Variants in DPP6 observed in about 807,000 individuals in gnomAD.
DPP6 encodes A-type potassium channel modulatory protein DPP6.
Under a neutral mutation model 122.6 loss-of-function variants are expected in DPP6, and 69 were observed. The observed-to-expected ratio is 0.56, with a 90% CI of 0.46 to 0.69. The LOEUF (loss-of-function observed/expected upper bound fraction) is 0.69. Among genes scored for constraint, DPP6 ranks in the 30% least tolerant of loss-of-function variants. DPP6 has a pLI of 0.00. For missense variants in DPP6, 928 were observed against 1,116.9 expected (o/e 0.83, Z 2.41); for synonymous variants, 418 against 433.1 (o/e 0.97, Z 0.43).
intron 1 of DPP6, among the ~76,000 whole-genome samples, chr7:153,959,263 C>T (rs1453300641): frequency 6.6e-6 from 1 of 151,594 alleles, no homozygotes; most frequent in African/African-American, 2.4e-5. Context: ...TGGCACATAG[C>T]ATGCTCGTTA....
At position 154,528,777 on chromosome 7, in the gene DPP6, G is replaced by GTTCTCC. The variant is rs1315368572; in HGVS notation, c.458-11755_458-11754insTTCTCC. ...GAGAGATTAATTCTGCCTGGAAAAGGCATGAAAACTGTACAAGGGAGTTGG... is the reference window on the plus strand; with the variant it reads ...GAGAGATTAATTCTGCCTGGAAAAGGTTCTCCCATGAAAACTGTACAAGGGAGTTGG... On this transcript the variant is annotated intron_variant, in intron 3 of 25. Transcript: ENST00000377770. Among the ~76,000 whole-genome samples, 8 of 152,316 alleles carry GTTCTCC rather than the reference G, an allele frequency of 5.3e-5. No individual in the cohort carries two copies. In the South Asian group the frequency reaches 1.7e-3, roughly 32 times the overall value.
At chr7:153,871,790 G>C in the DPP6 span, among the ~76,000 whole-genome samples, 1 of 152,122 alleles carries the variant, frequency 6.6e-6, no homozygotes, top group Non-Finnish European at 1.5e-5. Flanking sequence ...GGCCATCTTG[G>C]CTCCACCCCA....
chr7:154,086,116 C>T (rs539984949), intron 1 of DPP6, among the ~76,000 whole-genome samples: 1 of 152,250 alleles, frequency 6.6e-6, no homozygotes, highest in Admixed American at 6.5e-5. Flanking sequence ...GAGATAGAGA[C>T]ATAAATTCTC....
At chr7:154,537,397 G>A (rs780486614) in intron 3 of DPP6, among the ~76,000 whole-genome samples, 47 of 152,280 alleles carry the variant, frequency 3.1e-4, no homozygotes, top group Non-Finnish European at 6.3e-4. Context: ...TTTGAAAATA[G>A]CAAGTTTTAG....
chr7:154,667,577 G>A (rs568280873), intron 6 of DPP6, among the ~76,000 whole-genome samples: 6 of 152,162 alleles, frequency 3.9e-5, no homozygotes, highest in Non-Finnish European at 7.4e-5. Flanking sequence ...ACAAAAATTC[G>A]CCAGGCGTCG....
In DPP6 at chr7:154,795,824, A is replaced by G. The variant is rs374583494; in HGVS notation, c.1261-21A>G. 111 of 1,607,472 alleles carry G rather than the reference A, an allele frequency of 6.9e-5. No individual in the cohort carries two copies. In the African/African-American group the frequency reaches 1.3e-3, roughly 19 times the overall value. ...AAAGAAAAGAAAAACCCTCTTGTCT[A>G]ATGCTCTCATTTCATTTCAGAAACA... is the stretch of plus-strand genomic sequence containing the variant. On this transcript the variant is annotated intron_variant, in intron 11 of 25. Transcript: ENST00000377770.
At chr7:154,627,496 C>A (rs890420752) in intron 5 of DPP6, among the ~76,000 whole-genome samples, 1 of 152,100 alleles carries the variant, frequency 6.6e-6, no homozygotes, top group African/African-American at 2.4e-5. Flanking sequence ...CCACGCCCGG[C>A]CTTTTTTCCT....
At chr7:154,264,871 CCTG>C (rs1803282802) in intron 1 of DPP6, among the ~76,000 whole-genome samples, 1 of 68,936 alleles carries the variant, frequency 1.5e-5, no homozygotes, top group African/African-American at 4.9e-5. Flanking sequence ...TGATGGTGAT[CCTG>C]ATGATGGTGA....
chr7:154,650,269 G>C (rs1031386242), intron 6 of DPP6, among the ~76,000 whole-genome samples: 4 of 151,964 alleles, frequency 2.6e-5, no homozygotes, highest in Non-Finnish European at 4.4e-5. Context: ...AAGTTGCAGT[G>C]AGCTCTGATT....
At chr7:154,691,924 G>T (rs2131220275) in intron 7 of DPP6, among the ~76,000 whole-genome samples, 1 of 152,346 alleles carries the variant, frequency 6.6e-6, no homozygotes. Flanking sequence ...AACCAGCCTT[G>T]GGAAGTGCTC....
At position 154,056,617 on chromosome 7, in the gene DPP6, C is replaced by G. The variant is rs150295932; in HGVS notation, c.243+3554C>G. Among the ~76,000 whole-genome samples the G allele has an allele frequency of 1.1e-4, 16 of 152,262 alleles. 1 individual carries two copies. The East Asian group carries it at 3.1e-3, about 29-fold the overall frequency. On this transcript the variant is annotated intron_variant, in intron 1 of 25. Coordinates refer to ENST00000377770, the MANE Select transcript of DPP6 (RefSeq NM_130797.4). ...CTTAGCAATACAAATGTGATGACAA[C>G]AGGATTTTAAAGCAGCAAATTGGTT... is the stretch of plus-strand genomic sequence containing the variant.
chr7:154,765,526 G>A (rs1191540195), intron 8 of DPP6, among the ~76,000 whole-genome samples: 1 of 152,084 alleles, frequency 6.6e-6, no homozygotes, highest in Admixed American at 6.6e-5. Context: ...TCTCCTACTG[G>A]ATATGACCTT....
intron 14 of DPP6, among the ~76,000 whole-genome samples, chr7:154,804,472 G>A (rs1427854082): frequency 2.0e-5 from 3 of 152,154 alleles, no homozygotes; most frequent in Admixed American, 6.5e-5. Context: ...CCCTGCTCCT[G>A]GGGTAAAAGC....
intron 1 of DPP6, among the ~76,000 whole-genome samples, chr7:154,193,726 C>T (rs1798727405): frequency 1.3e-5 from 2 of 151,996 alleles, no homozygotes; most frequent in South Asian, 2.1e-4. Context: ...AGGTAGACCA[C>T]CTGTGAAGGA....
chr7:153,934,494 T>C (rs1162489855), intron 1 of DPP6, among the ~76,000 whole-genome samples: 1 of 152,136 alleles, frequency 6.6e-6, no homozygotes, highest in African/African-American at 2.4e-5. Context: ...CTCATGTAAA[T>C]ACAATATAAG....
intron 16 of DPP6, among the ~76,000 whole-genome samples, chr7:154,837,323 ACACACATGCATAACATG>A (rs1198550858): frequency 1.3e-5 from 2 of 151,418 alleles, no homozygotes; most frequent in Admixed American, 6.6e-5. Flanking sequence ...AAACACATGC[ACACACATGCATAACATG>A]CACACATGCA....
intron 1 of DPP6, among the ~76,000 whole-genome samples, chr7:154,229,847 C>A (rs1276767669): frequency 6.6e-6 from 1 of 152,042 alleles, no homozygotes; most frequent in Admixed American, 6.6e-5. Flanking sequence ...CATGTTATAA[C>A]AAATTAGTAC....
At chr7:154,662,877 A>G (rs546100048) in intron 6 of DPP6, among the ~76,000 whole-genome samples, 22 of 49,002 alleles carry the variant, frequency 4.5e-4, no homozygotes, top group African/African-American at 1.1e-3. Context: ...TAGTGTTCAT[A>G]TAGTCATGGT....
At chr7:154,191,125 G>C (rs112102642) in intron 1 of DPP6, among the ~76,000 whole-genome samples, 2 of 152,142 alleles carry the variant, frequency 1.3e-5, no homozygotes, top group Non-Finnish European at 2.9e-5. Flanking sequence ...AGTAATTTGC[G>C]AGGTTGAGAT....
Sources: allele counts gnomAD v4.1 joint callset (sites outside exome capture counted in the v4.1 genomes callset), GRCh38; gene constraint gnomAD v4.1.1; transcripts MANE v1.5; gene names NCBI Gene and HGNC (gene_info 2026-07-23, HGNC 2026-07-21).